LARGE1: variants seen among roughly 807,000 people sequenced by gnomAD.
LARGE1 encodes the protein xylosyl- and glucuronyltransferase LARGE1.
LARGE1 carries 43 observed loss-of-function variants against 87.6 expected under a neutral mutation model. That is an observed-to-expected ratio of 0.49 (90% CI 0.38 to 0.63). The LOEUF (loss-of-function observed/expected upper bound fraction) is 0.63, where lower values mean the gene tolerates loss of function less well. Among genes scored for constraint, LARGE1 ranks in the 30% least tolerant of loss-of-function variants. The pLI is 0.00. For missense variants in LARGE1, 802 were observed against 1,000.2 expected (o/e 0.80, Z 2.67); for synonymous variants, 434 against 394.6 (o/e 1.10, Z -1.18).
chr22:33,535,348 A>G (rs1857447222), intron 6 of LARGE1, among the ~76,000 whole-genome samples: 1 of 152,160 alleles, frequency 6.6e-6, no homozygotes, highest in African/African-American at 2.4e-5. Context: ...GTTTGAGATC[A>G]GCCCGGCCAA....
the LARGE1 span, chr22:33,105,590 C>T: frequency 2.0e-5 from 3 of 152,128 alleles, no homozygotes; most frequent in African/African-American, 4.8e-5. Flanking sequence ...ATCATGTTCT[C>T]GTTTCCTCCT....
At chr22:33,073,710 C>A in the LARGE1 span, among the ~76,000 whole-genome samples, 1 of 152,144 alleles carries the variant, frequency 6.6e-6, no homozygotes, top group Admixed American at 6.5e-5. Flanking sequence ...CAAAACCCTA[C>A]AAATTGGGAT....
intron 4 of LARGE1, among the ~76,000 whole-genome samples, chr22:33,613,865 A>G (rs1269980339): frequency 1.3e-5 from 2 of 152,140 alleles, no homozygotes; most frequent in African/African-American, 4.8e-5. Flanking sequence ...TCCAAAACAG[A>G]AATCAGTTTT....
At chr22:33,498,965 C>T (rs1056279156) in intron 6 of LARGE1, among the ~76,000 whole-genome samples, 2 of 151,724 alleles carry the variant, frequency 1.3e-5, no homozygotes, top group Non-Finnish European at 2.9e-5. Context: ...GAGGGAGATT[C>T]CGTCTCAAAA....
chr22:33,509,521 C>A (rs2070945920), intron 6 of LARGE1, among the ~76,000 whole-genome samples: 1 of 151,990 alleles, frequency 6.6e-6, no homozygotes, highest in Non-Finnish European at 1.5e-5. Context: ...CACAATCATA[C>A]CTCACTGTAA....
At chr22:33,773,815 T>C (rs947600170) in intron 1 of LARGE1, among the ~76,000 whole-genome samples, 3 of 150,372 alleles carry the variant, frequency 2.0e-5, no homozygotes, top group Non-Finnish European at 4.4e-5. Context: ...AGAGATCAAA[T>C]GAAATCCAAA....
chr22:33,241,368 G>A (rs1263856982), intron 11 of LARGE1, among the ~76,000 whole-genome samples: 1 of 152,046 alleles, frequency 6.6e-6, no homozygotes, highest in Non-Finnish European at 1.5e-5. Flanking sequence ...ACAACAGTTG[G>A]CAATTCCTCG....
the LARGE1 span, among the ~76,000 whole-genome samples, chr22:33,085,194 T>G: frequency 6.6e-6 from 1 of 152,216 alleles, no homozygotes; most frequent in Non-Finnish European, 1.5e-5. Flanking sequence ...GAGAATCACT[T>G]GAACCCGGGA....
intron 1 of LARGE1, among the ~76,000 whole-genome samples, chr22:33,770,735 T>C (rs939874265): frequency 9.9e-5 from 15 of 152,142 alleles, no homozygotes; most frequent in Admixed American, 7.9e-4. Flanking sequence ...ATATCCTATA[T>C]TGCTACTGCA....
the LARGE1 span, among the ~76,000 whole-genome samples, chr22:33,096,121 G>C: frequency 6.6e-6 from 1 of 152,076 alleles, no homozygotes; most frequent in East Asian, 1.9e-4. Flanking sequence ...TTGTAGAAAG[G>C]AGATAATACC....
chr22:33,135,713 G>T, the LARGE1 span, among the ~76,000 whole-genome samples: 18 of 152,124 alleles, frequency 1.2e-4, no homozygotes, highest in Non-Finnish European at 2.6e-4. Flanking sequence ...GGTGGCACAT[G>T]CCTGTAGTCC....
chr22:33,324,107 C>G (rs1233102147), intron 10 of LARGE1, among the ~76,000 whole-genome samples: 2 of 151,592 alleles, frequency 1.3e-5, no homozygotes, highest in Non-Finnish European at 2.9e-5. Flanking sequence ...TGGTGGGTGC[C>G]TGTAACCCCA....
the LARGE1 span, among the ~76,000 whole-genome samples, chr22:33,068,173 C>T: frequency 1.3e-5 from 2 of 152,146 alleles, no homozygotes; most frequent in African/African-American, 4.8e-5. Flanking sequence ...AATACTAAAG[C>T]ACACCTGTGG....
intron 11 of LARGE1, among the ~76,000 whole-genome samples, chr22:33,206,746 G>A (rs1167861944): frequency 6.6e-6 from 1 of 152,206 alleles, no homozygotes; most frequent in East Asian, 1.9e-4. Flanking sequence ...TGTGTCTAGT[G>A]TGAAACTCTC....
At chr22:33,281,745 G>A (rs150815519) in intron 13 of LARGE1, among the ~76,000 whole-genome samples, 1 of 152,140 alleles carries the variant, frequency 6.6e-6, no homozygotes, top group East Asian at 1.9e-4. Context: ...AAGAAGCCTG[G>A]AGTTTGAGTC....
intron 6 of LARGE1, among the ~76,000 whole-genome samples, chr22:33,564,092 A>AT (rs1188072732): frequency 6.6e-5 from 10 of 152,364 alleles, no homozygotes; most frequent in Admixed American, 6.5e-4. Context: ...CAATTAAAAA[A>AT]ATATATAAAA....
chr22:33,912,788 A>AG (rs397772092), intron 1 of LARGE1, among the ~76,000 whole-genome samples: 1 of 150,704 alleles, frequency 6.6e-6, no homozygotes, highest in African/African-American at 2.4e-5. Flanking sequence ...AAAAAAAAAA[A>AG]GCCCTAGATA....
chr22:33,386,608 A>G (rs1033374), intron 7 of LARGE1, among the ~76,000 whole-genome samples: 113,235 of 148,054 alleles, frequency 0.76, 46,560 homozygotes, highest in African/African-American at 0.94. Flanking sequence ...AGCTAGCAAT[A>G]TCATATCACT....
intron 13 of LARGE1, among the ~76,000 whole-genome samples, chr22:33,278,508 G>A (rs990727065): frequency 1.3e-5 from 2 of 151,762 alleles, no homozygotes; most frequent in African/African-American, 2.4e-5. Flanking sequence ...GCTAATATTA[G>A]TTAACCACTT....
Sources: gnomAD v4.1 joint callset for allele counts (sites outside exome capture counted in the v4.1 genomes callset) on GRCh38, gnomAD v4.1.1 for gene constraint, MANE v1.5 for transcripts, NCBI Gene and HGNC (gene_info 2026-07-23, HGNC 2026-07-21) for gene names.